DNAH10: variants seen among roughly 807,000 people sequenced by gnomAD.
DNAH10 encodes the protein dynein axonemal heavy chain 10.
Under a neutral mutation model 506.6 loss-of-function variants are expected in DNAH10, and 348 were observed. The ratio of observed to expected loss-of-function variants is 0.69; its 90% CI spans 0.63 to 0.75. The LOEUF (loss-of-function observed/expected upper bound fraction) is 0.75, where lower values mean the gene tolerates loss of function less well. DNAH10 is among the 30% of genes least tolerant of loss of function. The pLI is 0.00. For missense variants in DNAH10, 5,179 were observed against 5,787.1 expected, an observed-to-expected ratio of 0.89 and a Z score of 3.41; for synonymous variants, 2,059 against 2,198.6, an observed-to-expected ratio of 0.94 and a Z score of 1.78.
chr12:123,783,087 G>A lies in DNAH10; in HGVS notation c.842-20G>A. ...ATTTTTCCTGAACGAATGACTGACT[G>A]ATCACTTTTATTTTCCTAGGTGAGA... On this transcript the variant is annotated intron_variant, in intron 6 of 78. Coordinates refer to ENST00000673944, the MANE Select transcript of DNAH10 (RefSeq NM_001372106.1). 1 of 1,612,510 alleles carries A rather than the reference G, an allele frequency of 6.2e-7. No homozygotes were observed. The highest frequency in any genetic ancestry group is 8.5e-7 in the Non-Finnish European group (1 of 1,178,648).
rs769954446 is a variant in DNAH10 at position 123,813,806 on chromosome 12, T to G, written c.3674T>G (p.Phe1225Cys). The G allele has an allele frequency of 6.2e-7, 1 of 1,613,336 alleles. No homozygotes were observed. The highest frequency in any genetic ancestry group is 8.5e-7 in the Non-Finnish European group (1 of 1,179,810). ...CCCAATACCCTTGAAGATCTCAAGT[T>G]TGTCCTTGCAACAATTGCAGAAATT... ...KIPNTLEDLK[F>C]VLATIAEIRS... Residue 1225 changes from phenylalanine to cysteine, a missense_variant, in exon 21 of 79, where the codon TTT becomes TGT. This residue lies in a region of DNAH10 where 4,844 missense variants were observed against 5,430.5 expected (regional missense o/e 0.89). Transcript: ENST00000673944.
At chr12:123,836,540 A>G (rs1961145630) in intron 28 of DNAH10, among the ~76,000 whole-genome samples, 1 of 152,202 alleles carries the variant, frequency 6.6e-6, no homozygotes, top group African/African-American at 2.4e-5. Flanking sequence ...GACTGTAGTT[A>G]GTGTGGCTGG....
At chr12:123,837,874 G>C (rs1961341236) in intron 28 of DNAH10, among the ~76,000 whole-genome samples, 1 of 151,594 alleles carries the variant, frequency 6.6e-6, no homozygotes, top group Non-Finnish European at 1.5e-5. Flanking sequence ...CAAAGCACTG[G>C]GATTACAGGC....
intron 24 of DNAH10, among the ~76,000 whole-genome samples, chr12:123,821,610 G>C (rs1959413058): frequency 6.6e-6 from 1 of 151,956 alleles, no homozygotes. Context: ...TGGGATTACA[G>C]GCATGAGCCA....
In DNAH10 at chr12:123,926,936, T is replaced by C; in HGVS notation, c.12105+116T>C. The C allele has an allele frequency of 8.6e-7, 1 of 1,162,160 alleles. No individual in the cohort carries two copies. Among genetic ancestry groups the C allele is most frequent in the Non-Finnish European group, 1.2e-6 (1 of 830,298 alleles). The allele number at this position is 1,162,160 out of a possible 1,614,324, so 72.0% of individuals were successfully genotyped here. A position where few individuals can be genotyped will look rare whatever the true frequency, so the allele number is the denominator to read the frequency against. On this transcript the variant is annotated intron_variant, in intron 69 of 78. Coordinates refer to ENST00000673944, the MANE Select transcript of DNAH10 (RefSeq NM_001372106.1). The surrounding 1 kb of genome is among the most constrained non-coding windows in gnomAD (Gnocchi z 4.1). ...CCACGCCACAAATCAGTTGGATGCA[T>C]TTCCGAGCTAAGAAGCAGTAATGAA...
intron 5 of DNAH10, among the ~76,000 whole-genome samples, chr12:123,779,836 G>A (rs1383417092): frequency 2.0e-5 from 3 of 151,978 alleles, no homozygotes; most frequent in Admixed American, 6.6e-5. Context: ...GATTCAAAGA[G>A]TCATAAAAAG....
intron 18 of DNAH10, among the ~76,000 whole-genome samples, chr12:123,805,840 G>C (rs1437195507): frequency 6.8e-6 from 1 of 147,676 alleles, no homozygotes; most frequent in Non-Finnish European, 1.5e-5. Context: ...GCAGTGGCAT[G>C]ATCTCGGCTC....
At chr12:123,851,485 A>T (rs1951175208) in intron 35 of DNAH10, among the ~76,000 whole-genome samples, 1 of 152,078 alleles carries the variant, frequency 6.6e-6, no homozygotes, top group Admixed American at 6.5e-5. Flanking sequence ...TTAAATTATA[A>T]CTTTTAATTT....
chr12:123,914,296 A>G (rs1594369143), intron 60 of DNAH10, 33 bp from the exon 61 acceptor site: 1 of 1,591,304 alleles, frequency 6.3e-7, no homozygotes. Flanking sequence ...CAGAAGGTAA[A>G]CTCACGGCAG....
rs762610221 is a variant in DNAH10 at position 123,796,760 on chromosome 12, C to T, written c.2091C>T (p.Phe697=). Reference sequence around the variant, plus strand: ...CAATATACTGGGAACGATCTCTGTTCTTTCGGATTAAGCATACCATCCTCC... The same window carrying T: ...CAATATACTGGGAACGATCTCTGTTTTTTCGGATTAAGCATACCATCCTCC... ...AGAIYWERSL[F]FRIKHTILRF... The change falls in exon 13 of 79, where the codon TTC becomes TTT. Residue 697 remains phenylalanine, a synonymous_variant. Coordinates refer to ENST00000673944, the MANE Select transcript of DNAH10 (RefSeq NM_001372106.1). The T allele has an allele frequency of 6.2e-7, 1 of 1,614,066 alleles. No homozygotes were observed. Among genetic ancestry groups the T allele is most frequent in the Non-Finnish European group, 8.5e-7 (1 of 1,179,996 alleles).
At chr12:123,807,770 TC>T (rs1273485359) in intron 18 of DNAH10, among the ~76,000 whole-genome samples, 2 of 80,824 alleles carry the variant, frequency 2.5e-5, no homozygotes, top group Non-Finnish European at 4.8e-5. Flanking sequence ...GGGAGAGGGA[TC>T]GAGAGAGAGA....
At chr12:123,814,637 CGG>C (rs945698711) in intron 21 of DNAH10, among the ~76,000 whole-genome samples, 1 of 119,722 alleles carries the variant, frequency 8.4e-6, no homozygotes, top group Non-Finnish European at 1.6e-5. Flanking sequence ...TTTTTTGAGA[CGG>C]AGTCTCGCTC....
intron 38 of DNAH10, among the ~76,000 whole-genome samples, chr12:123,860,171 C>T (rs570793442): frequency 4.9e-4 from 74 of 152,204 alleles, no homozygotes; most frequent in African/African-American, 1.5e-3. Flanking sequence ...GCTGATAGCC[C>T]GGCAAAAATC....
intron 57 of DNAH10, chr12:123,908,305 T>C (rs1338225238): frequency 2.2e-6 from 1 of 455,694 alleles, no homozygotes; most frequent in South Asian, 1.5e-5. Flanking sequence ...CCTCTGTCCC[T>C]CCATCCCCCT....
intron 54 of DNAH10, among the ~76,000 whole-genome samples, chr12:123,895,317 C>G (rs1953170386): frequency 6.6e-6 from 1 of 152,188 alleles, no homozygotes; most frequent in African/African-American, 2.4e-5. Context: ...TTTGACCTAA[C>G]TTGAGCAGAT....
intron 26 of DNAH10, 107 bp from the exon 27 acceptor site, chr12:123,833,007 T>A (rs1386557051): frequency 1.3e-6 from 1 of 773,338 alleles, no homozygotes; most frequent in Non-Finnish European, 2.1e-6. Context: ...GACCCAGGAC[T>A]CCGATTGCAT....
intron 53 of DNAH10, among the ~76,000 whole-genome samples, chr12:123,894,180 T>A (rs1222916849): frequency 7.1e-6 from 1 of 140,074 alleles, no homozygotes; most frequent in Non-Finnish European, 1.5e-5. Context: ...AGCCTCGACC[T>A]CCTGGGCTCA....
chr12:123,869,052 A>C (rs1951922720), intron 43 of DNAH10, among the ~76,000 whole-genome samples: 1 of 152,180 alleles, frequency 6.6e-6, no homozygotes, highest in South Asian at 2.1e-4. Flanking sequence ...CCCTGTGGGC[A>C]TCCCATTTCC....
rs1334543665 is a variant in DNAH10, at chr12:123,894,715, C to T, written c.9272C>T (p.Ser3091Phe). Residue 3091 changes from serine to phenylalanine, a missense_variant, in exon 54 of 79, where the codon TCC (serine) becomes TTC (phenylalanine). By Grantham distance (155) the Ser-to-Phe change is radical. This residue lies in a region of DNAH10 where 4,844 missense variants were observed against 5,430.5 expected (regional missense o/e 0.89). Transcript: ENST00000673944. ...CAAGCCCTCCATGCGGTCGCAAAGT[C>T]CTTTCTAGGTAAGTCACAGCTGTTA... The part of the protein sequence containing the change: ...PPQALHAVAK[S>F]FLGYNPMIPA... 2.5e-6 allele frequency: 4 copies of T among 1,613,814 alleles called. No homozygotes were observed. Among genetic ancestry groups the T allele is most frequent in the South Asian group, 2.2e-5 (2 of 91,072 alleles).
Sources: gnomAD v4.1 joint callset for allele counts (sites outside exome capture counted in the v4.1 genomes callset) on GRCh38, gnomAD v4.1.1 for gene constraint, gnomAD v4.1.1 regional missense constraint, Gnocchi (gnomAD v3.1) non-coding constraint, MANE v1.5 for transcripts, NCBI Gene and HGNC (gene_info 2026-07-23, HGNC 2026-07-21) for gene names.